The following SAMSN1 variants were observed in gnomAD, a reference collection of about 807,000 sequenced individuals.
SAMSN1 encodes SAM domain-containing protein SAMSN-1.
SAMSN1 carries 31 observed loss-of-function variants against 42.0 expected under a neutral mutation model. The observed-to-expected ratio is 0.74, with a 90% CI of 0.55 to 1.00. The LOEUF (loss-of-function observed/expected upper bound fraction) is 1.00. Among genes scored for constraint, SAMSN1 ranks in the 50% least tolerant of loss-of-function variants. The probability of loss-of-function intolerance (pLI) is 0.00; values close to 1 mark genes in which losing one functional copy is unlikely to be tolerated. For missense variants in SAMSN1, 464 were observed against 439.4 expected, an observed-to-expected ratio of 1.06 and a Z score of -0.50; for synonymous variants, 178 against 151.9, an observed-to-expected ratio of 1.17 and a Z score of -1.26.
chr21:14,512,672 A>T, intron 3 of SAMSN1, 99 bp from the exon 4 acceptor site: 26 of 1,094,054 alleles, frequency 2.4e-5, no homozygotes, highest in Non-Finnish European at 3.5e-5. Flanking sequence ...TAGCAATAAA[A>T]TACTTAAGGA....
chr21:14,618,679 TGTGTGTGTGTGTGCGCGC>T (rs1189470001), intron 2 of SAMSN1, among the ~76,000 whole-genome samples: 4 of 79,750 alleles, frequency 5.0e-5, no homozygotes, highest in African/African-American at 2.5e-4. Context: ...TGTGTGTGTG[TGTGTGTGTGTGTGCGCGC>T]GCGCGCACGC....
chr21:14,607,603 G>A (rs1337770016), intron 5 of SAMSN1, among the ~76,000 whole-genome samples: 1 of 152,116 alleles, frequency 6.6e-6, no homozygotes, highest in African/African-American at 2.4e-5. Flanking sequence ...ATCAAAGCTG[G>A]GAAAAATTCT....
At position 14,552,915 on chromosome 21, in the gene SAMSN1, A is replaced by G. The variant is rs191155217; in HGVS notation, c.261+29221T>C. On this transcript the variant is annotated intron_variant, in intron 2 of 8. Coordinates refer to the SAMSN1 transcript ENST00000285670. The stretch of plus-strand genomic sequence containing the variant: ...CAATATTGTTCTTTTCTATATTTCT[A>G]AATGTCATTTAAAGTTTTGCAAATA... Among the ~76,000 whole-genome samples the G allele has an allele frequency of 1.9e-3, 285 of 152,094 alleles. 1 individual carries two copies. The highest frequency in any genetic ancestry group is 3.1e-3 in the Non-Finnish European group (210 of 67,984).
intron 1 of SAMSN1, among the ~76,000 whole-genome samples, chr21:14,645,693 G>C (rs1052824889): frequency 2.0e-5 from 3 of 152,206 alleles, no homozygotes; most frequent in Non-Finnish European, 4.4e-5. Flanking sequence ...CAATCCTGGA[G>C]AAAGAGATAT....
At chr21:14,646,301 G>A (rs992286526) in intron 1 of SAMSN1, among the ~76,000 whole-genome samples, 5 of 152,114 alleles carry the variant, frequency 3.3e-5, no homozygotes, top group African/African-American at 7.2e-5. Flanking sequence ...ACAATTGAGC[G>A]CCTATATGTC....
intron 2 of SAMSN1, among the ~76,000 whole-genome samples, chr21:14,626,890 A>G (rs943537582): frequency 5.1e-4 from 78 of 152,350 alleles, no homozygotes; most frequent in Non-Finnish European, 9.6e-4. Flanking sequence ...ATGTCCATCA[A>G]TGATAGACTG....
chr21:14,558,797 A>T (rs1359527098), intron 2 of SAMSN1, among the ~76,000 whole-genome samples: 2 of 152,222 alleles, frequency 1.3e-5, no homozygotes, highest in Non-Finnish European at 2.9e-5. Context: ...TCTATTATTG[A>T]TCTTTATAAC....
At chr21:14,540,863 G>A (rs573340113) in intron 1 of SAMSN1, among the ~76,000 whole-genome samples, 3 of 152,282 alleles carry the variant, frequency 2.0e-5, no homozygotes, top group African/African-American at 7.2e-5. Context: ...GTTCACAATA[G>A]CAAAGACTTG....
At position 14,521,184 on chromosome 21, in the gene SAMSN1, T is replaced by A. The variant is rs1978446272; in HGVS notation, c.95A>T (p.Asn32Ile). ...ATCATCTGGTTTTGATAAAGAATTA[T>A]TCCGAAAACGATCGAAATTCCCAAA... is the stretch of plus-strand genomic sequence containing the variant. ...SSFGNFDRFR[N>I]NSLSKPDDST... The change falls in exon 2 of 8, where the codon AAT becomes ATT. Residue 32 changes from asparagine (N) to isoleucine (I), a missense_variant. Coordinates refer to ENST00000400566, the MANE Select transcript of SAMSN1 (RefSeq NM_022136.5). The A allele has an allele frequency of 6.2e-6, 10 of 1,611,626 alleles. No homozygotes were observed. The East Asian group carries it at 2.2e-4, about 36-fold the overall frequency.
At chr21:14,534,137 G>A (rs773181771) in intron 1 of SAMSN1, among the ~76,000 whole-genome samples, 4 of 152,124 alleles carry the variant, frequency 2.6e-5, no homozygotes, top group Non-Finnish European at 5.9e-5. Flanking sequence ...TATCAGTGAC[G>A]CATTTACAAA....
intron 5 of SAMSN1, among the ~76,000 whole-genome samples, chr21:14,503,032 C>T (rs981333836): frequency 6.6e-6 from 1 of 152,170 alleles, no homozygotes; most frequent in East Asian, 1.9e-4. Context: ...GCAAAACCTT[C>T]TTCTCTTTGT....
chr21:14,604,138 C>T (rs752204354), intron 5 of SAMSN1, among the ~76,000 whole-genome samples: 1 of 152,100 alleles, frequency 6.6e-6, no homozygotes, highest in Non-Finnish European at 1.5e-5. Context: ...TTTATGATTC[C>T]CAAATATTAC....
At chr21:14,615,429 G>T (rs1042946024) in intron 3 of SAMSN1, among the ~76,000 whole-genome samples, 1 of 152,140 alleles carries the variant, frequency 6.6e-6, no homozygotes, top group African/African-American at 2.4e-5. Context: ...CAGGGTGCAA[G>T]GAAGCCATTC....
chr21:14,606,675 T>C (rs1568828453), intron 5 of SAMSN1, among the ~76,000 whole-genome samples: 1 of 152,216 alleles, frequency 6.6e-6, no homozygotes, highest in Non-Finnish European at 1.5e-5. Flanking sequence ...TTTTTAGTTG[T>C]AAAGTCCTAA....
At chr21:14,644,792 G>GC (rs1416777593) in intron 1 of SAMSN1, among the ~76,000 whole-genome samples, 1 of 152,044 alleles carries the variant, frequency 6.6e-6, no homozygotes, top group Non-Finnish European at 1.5e-5. Flanking sequence ...GGAGTCCAGT[G>GC]CCCTGCAGGG....
At chr21:14,653,026 A>T (rs187105385) in intron 1 of SAMSN1, among the ~76,000 whole-genome samples, 2 of 152,106 alleles carry the variant, frequency 1.3e-5, no homozygotes, top group Non-Finnish European at 2.9e-5. Flanking sequence ...TATCCAAAAC[A>T]CAGGCACTAG....
At chr21:14,558,531 A>G (rs945633998) in intron 2 of SAMSN1, among the ~76,000 whole-genome samples, 2 of 151,838 alleles carry the variant, frequency 1.3e-5, no homozygotes, top group African/African-American at 4.8e-5. Context: ...ATACAAAAAA[A>G]TTAGCCGGCC....
intron 3 of SAMSN1, among the ~76,000 whole-genome samples, chr21:14,515,143 A>T (rs1175722083): frequency 1.3e-5 from 2 of 152,192 alleles, no homozygotes; most frequent in African/African-American, 4.8e-5. Flanking sequence ...GAAAAGTAGT[A>T]AGGAGAAAGA....
chr21:14,658,656 A>G, intron 1 of SAMSN1: 3 of 688,228 alleles, frequency 4.4e-6, no homozygotes, highest in South Asian at 1.6e-5. Flanking sequence ...GAATATCATC[A>G]CATAAGAAGT....
Sources: allele counts gnomAD v4.1 joint callset (sites outside exome capture counted in the v4.1 genomes callset), GRCh38; gene constraint gnomAD v4.1.1; transcripts MANE v1.5; gene names NCBI Gene and HGNC (gene_info 2026-07-23, HGNC 2026-07-21).